NMT2: variants seen among roughly 807,000 people sequenced by gnomAD.
The protein encoded by NMT2 is glycylpeptide N-tetradecanoyltransferase 2.
In NMT2, 35 loss-of-function variants were observed where a neutral mutation model predicts 65.4. The observed-to-expected ratio is 0.54, with a 90% CI of 0.41 to 0.71. NMT2 has a LOEUF of 0.71. Among genes scored for constraint, NMT2 ranks in the 30% least tolerant of loss-of-function variants. The pLI is 0.00. For synonymous variants in NMT2, 226 were observed against 231.8 expected (o/e 0.98, Z 0.23); for missense variants, 489 against 611.3 (o/e 0.80, Z 2.11).
intron 3 of NMT2, among the ~76,000 whole-genome samples, 175 bp downstream of exon 3, chr10:15,135,099 T>C (rs1162572775): frequency 6.6e-6 from 1 of 152,210 alleles, no homozygotes; most frequent in Non-Finnish European, 1.5e-5. Context: ...CTATCTAATA[T>C]TTATATTTTC....
chr10:15,106,089 GT>G lies in NMT2; in HGVS notation c.*3105del. On this transcript the variant is annotated 3_prime_UTR_variant, in exon 12 of 12. Transcript: ENST00000378165. ...GGCTCACTGCAACCCCGCCTCCTGG[GT>G]TCAAGCGATTCTCCTGCCTCAGCCT... is the stretch of plus-strand genomic sequence containing the variant. 1 of 325,574 alleles carries G rather than the reference GT, an allele frequency of 3.1e-6. No homozygotes were observed. Among genetic ancestry groups the G allele is most frequent in the South Asian group, 2.2e-5 (1 of 45,532 alleles). The allele number at this position is 325,574 out of a possible 1,614,324, so 20.2% of individuals were successfully genotyped here.
At chr10:15,144,458 G>A (rs1407792298) in intron 1 of NMT2, among the ~76,000 whole-genome samples, 2 of 152,146 alleles carry the variant, frequency 1.3e-5, no homozygotes, top group Admixed American at 6.6e-5. Flanking sequence ...CAGGCCAGGT[G>A]CAGTGGCTCA....
intron 2 of NMT2, among the ~76,000 whole-genome samples, chr10:15,137,611 A>T (rs1289710712): frequency 6.6e-6 from 1 of 152,164 alleles, no homozygotes; most frequent in East Asian, 1.9e-4. Context: ...TCAACTAATA[A>T]TGCTTAACTG....
At chr10:15,159,329 C>T (rs1029056739) in intron 1 of NMT2, among the ~76,000 whole-genome samples, 33 of 152,210 alleles carry the variant, frequency 2.2e-4, no homozygotes, top group African/African-American at 7.7e-4. Context: ...ATGTTTAATT[C>T]TAATAAAGTC....
intron 8 of NMT2, among the ~76,000 whole-genome samples, chr10:15,120,800 A>C (rs1845903311): frequency 6.6e-6 from 1 of 152,218 alleles, no homozygotes; most frequent in Admixed American, 6.5e-5. Flanking sequence ...ACGGGTTTAC[A>C]GCCATACCAG....
intron 2 of NMT2, among the ~76,000 whole-genome samples, chr10:15,140,334 GGCTGGTCTT>G (rs1846700779): frequency 2.0e-5 from 3 of 152,152 alleles, no homozygotes; most frequent in Admixed American, 2.0e-4. Flanking sequence ...ATGTTGCCCA[GGCTGGTCTT>G]GAACTCCTGG....
At chr10:15,166,599 C>T (rs1255219083) in intron 1 of NMT2, among the ~76,000 whole-genome samples, 3 of 152,192 alleles carry the variant, frequency 2.0e-5, no homozygotes, top group African/African-American at 4.8e-5. Context: ...AATCTCCTTA[C>T]ATTTAAATAG....
chr10:15,119,055 A>AGCT (rs1189063086), intron 9 of NMT2, among the ~76,000 whole-genome samples: 1 of 152,248 alleles, frequency 6.6e-6, no homozygotes, highest in Non-Finnish European at 1.5e-5. Context: ...CTGTGGGTAA[A>AGCT]GCTGCTGGTG....
intron 1 of NMT2, chr10:15,155,344 T>C: frequency 1.0e-6 from 1 of 957,122 alleles, no homozygotes; most frequent in Non-Finnish European, 1.7e-6. Context: ...GGGCTCCTGG[T>C]GGCGGTGGCG....
intron 8 of NMT2, 94 bp downstream of exon 8, chr10:15,128,256 C>T (rs1846163460): frequency 2.7e-6 from 2 of 752,924 alleles, no homozygotes; most frequent in South Asian, 1.5e-5. Context: ...CTCAGACACA[C>T]CAGTCAGTTT....
Position 15,135,357 on chromosome 10 carries a change from G to A in NMT2, c.308C>T (p.Ala103Val), listed in dbSNP as rs193146351. 3 of 1,614,166 alleles carry A rather than the reference G, an allele frequency of 1.9e-6. No homozygotes were observed. The highest frequency in any genetic ancestry group is 2.2e-5 in the East Asian group (1 of 44,884). Residue 103 changes from alanine to valine, a missense_variant, in exon 3 of 12, where the codon GCA becomes GTA. Coordinates refer to ENST00000378165, the MANE Select transcript of NMT2 (RefSeq NM_004808.3). ...AATGTTCCTGGCTGGGCCCTGGCAT[G>A]CGGATAGCAGCTCCATTGCTCTCTG... The part of the protein sequence containing the change: ...DIQRAMELLS[A>V]CQGPARNIDE...
In NMT2 at chr10:15,109,836, C is replaced by T; in HGVS notation, c.1342G>A (p.Gly448Arg). 6.3e-7 allele frequency: 1 copy of T among 1,597,102 alleles called. No individual in the cohort carries two copies. The highest frequency in any genetic ancestry group is 8.5e-7 in the Non-Finnish European group (1 of 1,174,862). ...TCCAGTGCATTGAATACATCAAATC[C>T]TTTCTGCCAATTTAAAAAAGATTTA... ...SDALILAKSK[G>R]FDVFNALDLM... The change falls in exon 11 of 12, where the codon GGA (glycine) becomes AGA (arginine). Residue 448 changes from glycine to arginine, a missense_variant. Physicochemically the swap from Gly to Arg is moderately radical, Grantham distance 125. Coordinates refer to ENST00000378165, the MANE Select transcript of NMT2 (RefSeq NM_004808.3).
chr10:15,109,674 T>C, intron 11 of NMT2, 28 bp downstream of exon 11: 1 of 1,539,574 alleles, frequency 6.5e-7, no homozygotes. Context: ...TTTGTTGAGT[T>C]TACAAGGGCT....
chr10:15,159,396 A>ATATTTATTTATT (rs112463294), intron 1 of NMT2, among the ~76,000 whole-genome samples: 3,665 of 149,296 alleles, frequency 0.025, 59 homozygotes, highest in Middle Eastern at 0.041. Flanking sequence ...CCTCCTTAAA[A>ATATTTATTTATT]TATTTATTTA....
At chr10:15,163,953 G>A (rs1181908957) in intron 1 of NMT2, among the ~76,000 whole-genome samples, 2 of 152,252 alleles carry the variant, frequency 1.3e-5, no homozygotes, top group East Asian at 3.9e-4. Flanking sequence ...GCCGAGGCGG[G>A]CGGATCACAA....
rs1455066992 is a variant in NMT2, at chr10:15,128,406, G to A, written c.943C>T (p.His315Tyr). ...TGTAAAGTCATATTTCTACTCAAGTGAGAAAATTTCACTTCTACCAATTTT... is the reference window on the plus strand; with the variant it reads ...TGTAAAGTCATATTTCTACTCAAGTAAGAAAATTTCACTTCTACCAATTTT... ...PRKLVEVKFSHLSRNMTLQRT... is the reference protein window; with the variant it reads ...PRKLVEVKFSYLSRNMTLQRT... The change falls in exon 8 of 12, where the codon CAC becomes TAC. Residue 315 changes from histidine (H) to tyrosine (Y), a missense_variant. Physicochemically the swap from His to Tyr is moderately conservative, Grantham distance 83 (BLOSUM62 2). Transcript: ENST00000378165. The A allele has an allele frequency of 6.2e-7, 1 of 1,610,992 alleles. No homozygotes were observed. The highest frequency in any genetic ancestry group is 1.3e-5 in the African/African-American group (1 of 74,886).
chr10:15,143,918 G>A (rs1179454053), intron 1 of NMT2, among the ~76,000 whole-genome samples: 1 of 152,130 alleles, frequency 6.6e-6, no homozygotes. Flanking sequence ...TAAACTCATG[G>A]AAACTTGAGG....
rs1277961060 is a variant in NMT2 at position 15,108,496 on chromosome 10, C to T, written c.*699G>A. The T allele has an allele frequency of 1.0e-6, 1 of 985,628 alleles. No homozygotes were observed. Among genetic ancestry groups the T allele is most frequent in the Non-Finnish European group, 1.2e-6 (1 of 830,114 alleles). The allele number at this position is 985,628 out of a possible 1,614,324, so 61.1% of individuals were successfully genotyped here. A position where few individuals can be genotyped will look rare whatever the true frequency, so the allele number is the denominator to read the frequency against. On this transcript the variant is annotated 3_prime_UTR_variant, in exon 12 of 12. Coordinates refer to ENST00000378165, the MANE Select transcript of NMT2 (RefSeq NM_004808.3). ...CACCACGCCCGGCCTCAGGCTCTTT[C>T]AGAGAGCACAGTGAGTGCTTGCACA...
chr10:15,109,691 A>G lies in NMT2; in HGVS notation c.1476+11T>C. Reference sequence around the variant, plus strand: ...TGTTGAGTTTACAAGGGCTATATCCATTTCACTTACCTTTTCAGAATCTGT... The same window carrying G: ...TGTTGAGTTTACAAGGGCTATATCCGTTTCACTTACCTTTTCAGAATCTGT... On this transcript the variant is annotated intron_variant, in intron 11 of 11. Transcript: ENST00000378165. The G allele has an allele frequency of 6.2e-7, 1 of 1,601,170 alleles. No homozygotes were observed. The highest frequency in any genetic ancestry group is 1.1e-5 in the South Asian group (1 of 88,154).
Sources: allele counts gnomAD v4.1 joint callset (sites outside exome capture counted in the v4.1 genomes callset), GRCh38; gene constraint gnomAD v4.1.1; transcripts MANE v1.5; gene names NCBI Gene and HGNC (gene_info 2026-07-23, HGNC 2026-07-21).